The following TNKS variants were observed in gnomAD, a reference collection of about 807,000 sequenced individuals.
The protein encoded by TNKS is poly [ADP-ribose] polymerase tankyrase-1.
Under a neutral mutation model 135.8 loss-of-function variants are expected in TNKS, and 72 were observed. The observed-to-expected ratio is 0.53, with a 90% confidence interval of 0.44 to 0.64. The LOEUF is 0.64. Ranked by LOEUF, TNKS falls within the 30% of genes least tolerant of loss-of-function variation. The pLI, the probability that TNKS is intolerant of heterozygous loss-of-function variation, is 0.00. For missense variants in TNKS, 1,769 were observed against 1,674.0 expected (o/e 1.06, Z -0.99); for synonymous variants, 849 against 649.3 (o/e 1.31, Z -4.68).
At chr8:9,729,777 T>A in intron 13 of TNKS, among the ~76,000 whole-genome samples, 1 of 140,580 alleles carries the variant, frequency 7.1e-6, no homozygotes, top group South Asian at 2.4e-4. Context: ...TATTCTTTTT[T>A]TTTTTTTTTT....
intron 26 of TNKS, among the ~76,000 whole-genome samples, chr8:9,773,041 A>AAAG (rs1469170468): frequency 6.6e-6 from 1 of 151,840 alleles, no homozygotes; most frequent in African/African-American, 2.4e-5. Context: ...TTCCAAATAA[A>AAAG]AAGTTTACAA....
intron 3 of TNKS, among the ~76,000 whole-genome samples, chr8:9,616,362 A>T (rs1799645336): frequency 6.6e-6 from 1 of 152,134 alleles, no homozygotes; most frequent in Non-Finnish European, 1.5e-5. Context: ...AAAATGCTGC[A>T]TTGGATCTAT....
At position 9,778,756 on chromosome 8, in the gene TNKS, T is replaced by C. The variant is rs1384924982; in HGVS notation, c.*2020T>C. 17 of 152,358 alleles carry C rather than the reference T, an allele frequency of 1.1e-4. No individual in the cohort carries two copies. Among genetic ancestry groups the C allele is most frequent in the Non-Finnish European group, 2.9e-5 (2 of 68,030 alleles). 9.4% of individuals were successfully genotyped at this position (152,358 alleles called of 1,614,324 possible). ...CCATCTGTGTAGTTTTCAGTAGCTG[T>C]CAAGTGTGTCTTACTTACCTTCCCC... On this transcript the variant is annotated 3_prime_UTR_variant, in exon 27 of 27. Transcript: ENST00000310430.
chr8:9,660,421 G>A (rs1801638457), intron 3 of TNKS, among the ~76,000 whole-genome samples: 1 of 152,150 alleles, frequency 6.6e-6, no homozygotes, highest in Non-Finnish European at 1.5e-5. Context: ...TGGGATCCAA[G>A]GCTCGTTCAA....
rs62491546 is a variant in TNKS at position 9,674,781 on chromosome 8, G to T, written c.995-5170G>T. 7.1e-3 allele frequency among the ~76,000 whole-genome samples: 1,088 copies of T among 152,290 alleles called. 3 individuals carry two copies. Among genetic ancestry groups the T allele is most frequent in the Middle Eastern group, 0.017 (5 of 294 alleles). ...GTCAAGGTTCCAGGAGACAAGGAAA[G>T]GGTCTCTACCAGGAAAATACTCTGT... is the stretch of plus-strand genomic sequence containing the variant. On this transcript the variant is annotated intron_variant, in intron 3 of 26. Coordinates refer to ENST00000310430, the MANE Select transcript of TNKS (RefSeq NM_003747.3).
chr8:9,740,462 G>C (rs1386390416), intron 17 of TNKS, among the ~76,000 whole-genome samples: 1 of 152,164 alleles, frequency 6.6e-6, no homozygotes, highest in Non-Finnish European at 1.5e-5. Flanking sequence ...TAATGAGACT[G>C]TCGTCTCTCA....
chr8:9,667,920 A>C (rs1802077363), intron 3 of TNKS, among the ~76,000 whole-genome samples: 1 of 150,532 alleles, frequency 6.6e-6, no homozygotes, highest in Non-Finnish European at 1.5e-5. Flanking sequence ...TAACAAATAT[A>C]CAGGCACTGT....
intron 17 of TNKS, among the ~76,000 whole-genome samples, chr8:9,736,009 T>C (rs1244119389): frequency 6.6e-6 from 1 of 151,628 alleles, no homozygotes; most frequent in African/African-American, 2.4e-5. Context: ...TATTGCTTTT[T>C]GGTCTCAGCA....
At chr8:9,630,955 T>C (rs1800267063) in intron 3 of TNKS, among the ~76,000 whole-genome samples, 2 of 152,196 alleles carry the variant, frequency 1.3e-5, no homozygotes, top group Admixed American at 6.5e-5. Context: ...TATTTTCTCC[T>C]TGACGAAGCA....
chr8:9,691,008 A>C (rs887156198), intron 5 of TNKS, among the ~76,000 whole-genome samples: 9 of 152,146 alleles, frequency 5.9e-5, no homozygotes, highest in African/African-American at 2.2e-4. Context: ...TAAGAGAGAG[A>C]GAGCTCGCTT....
At chr8:9,774,772 C>T (rs1808127819) in intron 26 of TNKS, among the ~76,000 whole-genome samples, 2 of 152,190 alleles carry the variant, frequency 1.3e-5, no homozygotes, top group Non-Finnish European at 2.9e-5. Flanking sequence ...GGACGTGTGT[C>T]AGGGATCCCC....
intron 2 of TNKS, among the ~76,000 whole-genome samples, chr8:9,611,323 C>G (rs1207865521): frequency 6.6e-6 from 1 of 152,140 alleles, no homozygotes; most frequent in Non-Finnish European, 1.5e-5. Context: ...CTGAATGTTA[C>G]TCAGATTTTA....
chr8:9,696,214 C>G (rs926769650), intron 5 of TNKS, among the ~76,000 whole-genome samples: 4 of 152,078 alleles, frequency 2.6e-5, no homozygotes, highest in African/African-American at 4.8e-5. Flanking sequence ...TAAGGACAGA[C>G]TTTTGGAGTA....
At chr8:9,653,258 A>G (rs940270591) in intron 3 of TNKS, among the ~76,000 whole-genome samples, 1 of 152,152 alleles carries the variant, frequency 6.6e-6, no homozygotes, top group African/African-American at 2.4e-5. Flanking sequence ...AACCACATCA[A>G]GCAAAGATAG....
intron 2 of TNKS, among the ~76,000 whole-genome samples, chr8:9,603,779 G>T (rs781546884): frequency 6.6e-6 from 1 of 152,114 alleles, no homozygotes; most frequent in Non-Finnish European, 1.5e-5. Flanking sequence ...TCAAAGAAAT[G>T]TTTATCTTAT....
chr8:9,655,797 C>A (rs1172176689), intron 3 of TNKS, among the ~76,000 whole-genome samples: 1 of 151,270 alleles, frequency 6.6e-6, no homozygotes, highest in Non-Finnish European at 1.5e-5. Flanking sequence ...TGGGGAAAAA[C>A]CAAAGCAGAA....
chr8:9,685,300 C>G (rs889506173), intron 5 of TNKS, among the ~76,000 whole-genome samples: 4 of 152,108 alleles, frequency 2.6e-5, no homozygotes, highest in African/African-American at 9.7e-5. Flanking sequence ...ATTCTGCTTT[C>G]CAAGTGTGTG....
At chr8:9,772,525 C>G (rs998388218) in intron 26 of TNKS, 1 of 422,122 alleles carries the variant, frequency 2.4e-6, no homozygotes, top group Non-Finnish European at 4.7e-6. Flanking sequence ...TGCTAACTTT[C>G]CAGATTACAT....
At chr8:9,607,291 G>A (rs10088401) in intron 2 of TNKS, among the ~76,000 whole-genome samples, 43,742 of 152,008 alleles carry the variant, frequency 0.29, 6,593 homozygotes, top group East Asian at 0.39. Flanking sequence ...ATTGAAGACA[G>A]CAGGATTCTC....
Sources: gnomAD v4.1 joint callset for allele counts (sites outside exome capture counted in the v4.1 genomes callset) on GRCh38, gnomAD v4.1.1 for gene constraint, MANE v1.5 for transcripts, NCBI Gene and HGNC (gene_info 2026-07-23, HGNC 2026-07-21) for gene names.